The following ATM variants were observed in gnomAD, a reference collection of about 807,000 sequenced individuals.
ATM encodes the protein ATM serine/threonine kinase.
In ATM, 308 loss-of-function variants were observed where a neutral mutation model predicts 387.0. The observed-to-expected ratio is 0.80, with a 90% CI of 0.73 to 0.87. ATM has a LOEUF of 0.87. Among genes scored for constraint, ATM ranks in the 40% least tolerant of loss-of-function variants. The pLI is 0.00. For missense variants in ATM, 3,312 were observed against 3,560.9 expected (o/e 0.93, Z 1.78); for synonymous variants, 1,156 against 1,187.3 (o/e 0.97, Z 0.54).
At chr11:108,332,179 G>C in intron 52 of ATM, 142 bp downstream of exon 52, 2 of 1,091,038 alleles carry the variant, frequency 1.8e-6, no homozygotes, top group Middle Eastern at 3.1e-4. Context: ...TGTAATCCCA[G>C]CACTTTGGGA....
intron 59 of ATM, among the ~76,000 whole-genome samples, chr11:108,352,028 A>AGGT (rs940419394): frequency 2.0e-5 from 3 of 152,162 alleles, no homozygotes; most frequent in Non-Finnish European, 4.4e-5. Flanking sequence ...AGCAGTAACA[A>AGGT]GGTGGTGACT....
intron 16 of ATM, among the ~76,000 whole-genome samples, chr11:108,264,337 C>G (rs1216803247): frequency 1.8e-4 from 28 of 152,118 alleles, no homozygotes; most frequent in Non-Finnish European, 2.9e-5. Flanking sequence ...GTACACAAAT[C>G]AATAAATGTA....
At chr11:108,326,333 AATTT>A (rs1206630563) in intron 47 of ATM, 108 bp downstream of exon 47, 3 of 1,385,542 alleles carry the variant, frequency 2.2e-6, no homozygotes, top group African/African-American at 1.5e-5. Flanking sequence ...TGAAATTAGT[AATTT>A]ATTAACAAGA....
intron 61 of ATM, among the ~76,000 whole-genome samples, chr11:108,364,665 A>C (rs2091147244): frequency 6.6e-6 from 1 of 152,180 alleles, no homozygotes; most frequent in African/African-American, 2.4e-5. Flanking sequence ...GTGAGGTCCA[A>C]ATAGGCTTGC....
At chr11:108,332,504 C>T (rs1409864802) in intron 52 of ATM, among the ~76,000 whole-genome samples, 1 of 151,972 alleles carries the variant, frequency 6.6e-6, no homozygotes, top group Admixed American at 6.6e-5. Context: ...ATAGGAGATA[C>T]CAGTAGTAGT....
intron 38 of ATM, 99 bp downstream of exon 38, chr11:108,308,083 C>G (rs528487305): frequency 6.9e-5 from 76 of 1,103,916 alleles, no homozygotes; most frequent in Non-Finnish European, 9.4e-5. Flanking sequence ...GAAGGTGTTG[C>G]AAAGTGTTAT....
intron 45 of ATM, among the ~76,000 whole-genome samples, chr11:108,323,762 GGAA>G (rs2085401675): frequency 3.3e-5 from 5 of 152,246 alleles, no homozygotes; most frequent in Admixed American, 2.6e-4. Context: ...TAGAGAAATA[GGAA>G]GAAGAGAAGC....
intron 4 of ATM, among the ~76,000 whole-genome samples, chr11:108,235,153 A>G (rs925451602): frequency 6.6e-6 from 1 of 151,980 alleles, no homozygotes; most frequent in Non-Finnish European, 1.5e-5. Flanking sequence ...AAAAATTAGC[A>G]GGGTGTGGTG....
At position 108,251,825 on chromosome 11, in the gene ATM, G is replaced by A. The variant is rs749269085; in HGVS notation, c.1608-12G>A. On this transcript the variant is annotated splice_polypyrimidine_tract_variant and intron_variant, in intron 10 of 62. Transcript: ENST00000675843. ...AGCTTGCTTTTCACAATTGTCCTTTGTTTTGTTATAGTCCTGCAGTATGCT... is the reference window on the plus strand; with the variant it reads ...AGCTTGCTTTTCACAATTGTCCTTTATTTTGTTATAGTCCTGCAGTATGCT... 6.2e-7 allele frequency: 1 copy of A among 1,613,496 alleles called. No individual in the cohort carries two copies. The highest frequency in any genetic ancestry group is 8.5e-7 in the Non-Finnish European group (1 of 1,179,640).
chr11:108,310,450 A>G (rs1013332507), intron 39 of ATM, 135 bp downstream of exon 39: 5 of 785,288 alleles, frequency 6.4e-6, no homozygotes, highest in African/African-American at 1.8e-5. Flanking sequence ...TTTTAAAGTG[A>G]AATTATAATA....
At chr11:108,256,480 A>G (rs1039488513) in intron 14 of ATM, 140 bp downstream of exon 14, 1 of 772,834 alleles carries the variant, frequency 1.3e-6, no homozygotes, top group Non-Finnish European at 2.0e-6. Context: ...GTGAGAAGAA[A>G]TTATACTATG....
chr11:108,274,627 C>T (rs970139473), intron 22 of ATM, among the ~76,000 whole-genome samples: 1 of 152,142 alleles, frequency 6.6e-6, no homozygotes, highest in African/African-American at 2.4e-5. Context: ...TCATTATTTA[C>T]CTAGTAGTCA....
intron 35 of ATM, 58 bp downstream of exon 35, chr11:108,301,847 G>T: frequency 6.3e-7 from 1 of 1,576,838 alleles, no homozygotes; most frequent in Non-Finnish European, 8.7e-7. Flanking sequence ...AGTTCTGTTT[G>T]CTGTGGGTCA....
chr11:108,244,971 AT>A lies in ATM; in HGVS notation c.849del (p.Gln284AsnfsTer36), dbSNP rs2135242696. 6.2e-7 allele frequency: 1 copy of A among 1,612,962 alleles called. No homozygotes were observed. On this transcript the variant is annotated frameshift_variant, in exon 7 of 63. Coordinates refer to ENST00000675843, the MANE Select transcript of ATM (RefSeq NM_000051.4). LOFTEE classifies it high-confidence loss of function. ...DSLKEVIIEL[F>X]QLQIYIHHPK... is the part of the protein sequence containing the mutation. ...CTTTAAAAGAAGTCATTATTGAATT[AT>A]TTCAACTGCAAATTTATATCCATCA...
In ATM at chr11:108,256,264, TC is replaced by T. The variant is rs767380441; in HGVS notation, c.2176del (p.Gly727AlafsTer8). 1 of 1,610,966 alleles carries T rather than the reference TC, an allele frequency of 6.2e-7. No homozygotes were observed. The highest frequency in any genetic ancestry group is 1.7e-5 in the Admixed American group (1 of 59,978). The part of the protein sequence containing the change: ...LVRCSRLLVG[V>X]LGCYCYMGVI... ...CGGTGTTCACGTCTTTTGGTGGGTG[TC>T]CTTGGCTGCTACTGTTACATGGGTG... On this transcript the variant is annotated frameshift_variant, in exon 14 of 63. Coordinates refer to ENST00000675843, the MANE Select transcript of ATM (RefSeq NM_000051.4). LOFTEE classifies it high-confidence loss of function.
chr11:108,244,189 C>T (rs984182432), intron 6 of ATM, 71 bp downstream of exon 6: 2 of 1,546,128 alleles, frequency 1.3e-6, no homozygotes, highest in African/African-American at 2.7e-5. Flanking sequence ...GTTTTAGACT[C>T]AGTAACTAAA....
intron 18 of ATM, among the ~76,000 whole-genome samples, chr11:108,269,000 C>T (rs999887229): frequency 1.3e-5 from 2 of 152,146 alleles, no homozygotes; most frequent in Non-Finnish European, 2.9e-5. Flanking sequence ...AGTGAAGTTA[C>T]AAGAATACTA....
At chr11:108,266,993 A>T (rs2081287792) in intron 16 of ATM, among the ~76,000 whole-genome samples, 178 bp from the exon 17 acceptor site, 1 of 151,988 alleles carries the variant, frequency 6.6e-6, no homozygotes. Context: ...ACAAGGTTTC[A>T]CCATGTTGGC....
intron 32 of ATM, chr11:108,296,889 C>G (rs1287694447): frequency 3.7e-6 from 1 of 271,938 alleles, no homozygotes; most frequent in African/African-American, 2.2e-5. Flanking sequence ...TAGACATTTC[C>G]ATCATTGCAG....
Sources: gnomAD v4.1 joint callset for allele counts (sites outside exome capture counted in the v4.1 genomes callset) on GRCh38, gnomAD v4.1.1 for gene constraint, MANE v1.5 for transcripts, NCBI Gene and HGNC (gene_info 2026-07-23, HGNC 2026-07-21) for gene names.